DLG2: variants seen among roughly 807,000 people sequenced by gnomAD.
The protein encoded by DLG2 is discs large MAGUK scaffold protein 2, also known as disks large homolog 2.
DLG2 carries 45 observed loss-of-function variants against 132.5 expected under a neutral mutation model. The ratio of observed to expected loss-of-function variants is 0.34; its 90% confidence interval spans 0.27 to 0.44. The LOEUF is 0.44. Ranked by LOEUF, DLG2 falls within the 20% of genes least tolerant of loss-of-function variation. The pLI, the probability that DLG2 is intolerant of heterozygous loss-of-function variation, is 1.00. For synonymous variants in DLG2, 424 were observed against 419.6 expected (o/e 1.01, Z -0.13); for missense variants, 1,045 against 1,196.9 (o/e 0.87, Z 1.87).
chr11:83,486,089 T>TATC, intron 21 of DLG2: 1 of 556,666 alleles, frequency 1.8e-6, no homozygotes, highest in Non-Finnish European at 3.2e-6. Flanking sequence ...AATATAGTTT[T>TATC]ATCATCAATT....
At chr11:83,876,046 T>C (rs2064715983) in intron 15 of DLG2, among the ~76,000 whole-genome samples, 1 of 152,184 alleles carries the variant, frequency 6.6e-6, no homozygotes, top group Non-Finnish European at 1.5e-5. Flanking sequence ...AAAAGCATCG[T>C]AGTATTCAGG....
chr11:85,070,250 T>C (rs1383160479), intron 6 of DLG2, among the ~76,000 whole-genome samples: 5 of 151,770 alleles, frequency 3.3e-5, no homozygotes, highest in Non-Finnish European at 5.9e-5. Flanking sequence ...CATGTATACA[T>C]ATGTAACAAA....
At chr11:83,484,048 G>T in intron 22 of DLG2, 81 bp downstream of exon 22, 1 of 1,141,058 alleles carries the variant, frequency 8.8e-7, no homozygotes, top group South Asian at 1.2e-5. Context: ...TGTGGCGTGG[G>T]AGAGCCTACA....
rs142281526 is a variant in DLG2 at position 84,112,539 on chromosome 11, T to TTTTTA, written c.625-13493_625-13492insTAAAA. Among the ~76,000 whole-genome samples the TTTTTA allele has an allele frequency of 3.4e-3, 517 of 152,024 alleles. 4 individuals carry two copies. Among genetic ancestry groups the TTTTTA allele is most frequent in the African/African-American group, 0.012 (487 of 41,432 alleles). On this transcript the variant is annotated intron_variant, in intron 9 of 27. Transcript: ENST00000376104. ...ACTGAACCATGAGAATTTTTTTTTT[T>TTTTTA]AGGCAGATAACTAGAGATTTTTTTC... is the stretch of plus-strand genomic sequence containing the variant.
At chr11:85,356,903 CA>C (rs2083745899) in intron 3 of DLG2, among the ~76,000 whole-genome samples, 1 of 152,104 alleles carries the variant, frequency 6.6e-6, no homozygotes, top group Admixed American at 6.6e-5. Context: ...CACTCCTCAA[CA>C]GTGTGTTTCC....
intron 7 of DLG2, among the ~76,000 whole-genome samples, chr11:84,384,318 G>T (rs927277271): frequency 1.3e-5 from 2 of 151,622 alleles, no homozygotes; most frequent in Non-Finnish European, 2.9e-5. Flanking sequence ...TAATAAATAT[G>T]GAAAATGCAA....
chr11:83,886,229 G>A (rs2067850524), intron 15 of DLG2, among the ~76,000 whole-genome samples: 2 of 152,080 alleles, frequency 1.3e-5, no homozygotes, highest in South Asian at 4.1e-4. Context: ...ACACATATAG[G>A]CTCAAAATAA....
chr11:85,549,283 C>A (rs1046823128), intron 3 of DLG2, among the ~76,000 whole-genome samples: 1 of 152,134 alleles, frequency 6.6e-6, no homozygotes. Flanking sequence ...CCCCACCCTG[C>A]TTCCACTCGC....
chr11:84,016,970 CT>C (rs1237531143), intron 11 of DLG2, among the ~76,000 whole-genome samples: 1 of 151,900 alleles, frequency 6.6e-6, no homozygotes. Flanking sequence ...ATGGAAGTAA[CT>C]TTTTCTGTTG....
chr11:84,802,915 T>G (rs1386086902), intron 6 of DLG2, among the ~76,000 whole-genome samples: 1 of 152,120 alleles, frequency 6.6e-6, no homozygotes, highest in Non-Finnish European at 1.5e-5. Context: ...TTCTCCTCCC[T>G]CAGCCACCTA....
intron 6 of DLG2, among the ~76,000 whole-genome samples, chr11:84,898,245 A>T (rs916692584): frequency 1.7e-4 from 26 of 151,994 alleles, no homozygotes; most frequent in African/African-American, 6.0e-4. Flanking sequence ...CAGCTGTAAT[A>T]CTTCACTAAT....
intron 18 of DLG2, among the ~76,000 whole-genome samples, chr11:83,670,381 G>A (rs1474113742): frequency 2.0e-5 from 3 of 149,170 alleles, no homozygotes; most frequent in Non-Finnish European, 1.5e-5. Context: ...TGGACATACA[G>A]AAAAAAAAAA....
At chr11:85,093,640 G>A (rs532913408) in intron 6 of DLG2, among the ~76,000 whole-genome samples, 16 of 152,324 alleles carry the variant, frequency 1.1e-4, no homozygotes, top group African/African-American at 2.2e-4. Context: ...GTGAAAGAAC[G>A]TGTGCGGGGG....
intron 3 of DLG2, among the ~76,000 whole-genome samples, chr11:85,507,228 T>C (rs562562197): frequency 2.4e-4 from 37 of 152,270 alleles, no homozygotes; most frequent in African/African-American, 7.9e-4. Context: ...TTAATAACGT[T>C]ATGTGTGAAT....
At chr11:85,019,867 T>C (rs113561690) in intron 6 of DLG2, among the ~76,000 whole-genome samples, 15,516 of 152,242 alleles carry the variant, frequency 0.1, 950 homozygotes, top group Middle Eastern at 0.25. Context: ...CAGTCTCTCA[T>C]TGATGGACAT....
At chr11:83,764,162 C>T (rs772652110) in intron 18 of DLG2, among the ~76,000 whole-genome samples, 3 of 152,074 alleles carry the variant, frequency 2.0e-5, no homozygotes, top group Non-Finnish European at 4.4e-5. Flanking sequence ...GCAGTACTAT[C>T]GCATGGCTGG....
intron 20 of DLG2, among the ~76,000 whole-genome samples, chr11:83,541,322 T>A (rs1484789459): frequency 6.6e-6 from 1 of 152,134 alleles, no homozygotes; most frequent in Non-Finnish European, 1.5e-5. Context: ...TCTATAACAT[T>A]CATTGGTAAA....
At chr11:84,010,505 T>C (rs1399831528) in intron 11 of DLG2, among the ~76,000 whole-genome samples, 1 of 151,944 alleles carries the variant, frequency 6.6e-6, no homozygotes, top group East Asian at 1.9e-4. Flanking sequence ...TCTTGCTATG[T>C]TGCCTAGGCT....
intron 6 of DLG2, among the ~76,000 whole-genome samples, chr11:84,938,435 G>A (rs1217278778): frequency 1.3e-5 from 2 of 152,080 alleles, no homozygotes; most frequent in African/African-American, 4.8e-5. Context: ...GCTTACTTTT[G>A]TTAAGAGTTT....
Sources: allele counts gnomAD v4.1 joint callset (sites outside exome capture counted in the v4.1 genomes callset), GRCh38; gene constraint gnomAD v4.1.1; transcripts MANE v1.5; gene names NCBI Gene and HGNC (gene_info 2026-07-23, HGNC 2026-07-21).